The following FAM217A variants were observed in gnomAD, a reference collection of about 807,000 sequenced individuals.
FAM217A encodes family with sequence similarity 217 member A.
Under a neutral mutation model 18.5 loss-of-function variants are expected in FAM217A, and 13 were observed. The observed-to-expected ratio is 0.70, with a 90% CI of 0.46 to 1.12. The LOEUF is 1.12. FAM217A is among the 50% of genes most tolerant of loss of function. FAM217A has a pLI of 0.00. For missense variants in FAM217A, 560 were observed against 575.4 expected, an observed-to-expected ratio of 0.97 and a Z score of 0.27; for synonymous variants, 161 against 202.8, an observed-to-expected ratio of 0.79 and a Z score of 1.75.
intron 1 of FAM217A, among the ~76,000 whole-genome samples, chr6:4,086,518 C>A (rs1770676649): frequency 6.6e-6 from 1 of 151,438 alleles, no homozygotes; most frequent in Admixed American, 6.6e-5. Flanking sequence ...TTTATATCTG[C>A]CACTCTGGCC....
chr6:4,079,487 G>A (rs550450914), upstream of FAM217A: 9 of 512,438 alleles, frequency 1.8e-5, no homozygotes, highest in Admixed American at 1.5e-4. Context: ...GACCTTCTTC[G>A]GCCTTCCTGG....
intron 2 of FAM217A, among the ~76,000 whole-genome samples, chr6:4,075,659 A>G (rs1769741880): frequency 1.3e-5 from 2 of 152,340 alleles, no homozygotes; most frequent in South Asian, 4.1e-4. Flanking sequence ...ATAAGAAAGT[A>G]ACTTTTTAGG....
intron 1 of FAM217A, among the ~76,000 whole-genome samples, chr6:4,085,340 A>T: frequency 6.7e-6 from 1 of 150,140 alleles, no homozygotes; most frequent in East Asian, 1.9e-4. Context: ...AATATGTAAA[A>T]ATATATATCC....
chr6:4,087,199 C>T, upstream of FAM217A: 1 of 720,444 alleles, frequency 1.4e-6, no homozygotes, highest in Non-Finnish European at 1.9e-6. Context: ...ACGCGCGCCC[C>T]CGCTTTCCCC....
rs1769194032 is a variant in FAM217A, at chr6:4,068,818, T to C, written c.1405A>G (p.Lys469Glu). 6 of 1,614,090 alleles carry C rather than the reference T, an allele frequency of 3.7e-6. 1 individual carries two copies. The African/African-American group carries it at 5.3e-5, about 14-fold the overall frequency. ...ATATTTTGTCGGTAAAGTTTCTTTT[T>C]GGTCCCAAAGTTTCTCTTCGGTGCC... ...IKAPKRNFGT[K>E]KKLYRQNIVL... The change falls in exon 7 of 7, where the codon AAA (lysine) becomes GAA (glutamate). Residue 469 changes from lysine (K) to glutamate (E), a missense_variant. Coordinates refer to ENST00000274673, the MANE Select transcript of FAM217A (RefSeq NM_173563.3).
chr6:4,083,552 C>G (rs1581906004), upstream of FAM217A, among the ~76,000 whole-genome samples: 3 of 147,172 alleles, frequency 2.0e-5, no homozygotes, highest in African/African-American at 7.6e-5. Flanking sequence ...CTTTTCTTTT[C>G]TTTTCTTTTT....
rs1380873730 is a variant in FAM217A at position 4,069,044 on chromosome 6, T to G, written c.1179A>C (p.Lys393Asn). The G allele has an allele frequency of 1.2e-6, 2 of 1,613,910 alleles. No individual in the cohort carries two copies. Among genetic ancestry groups the G allele is most frequent in the African/African-American group, 2.7e-5 (2 of 74,936 alleles). ...PLSLKSSSTP[K>N]QLIETYDKNP... ...TCTTATCATAAGTTTCAATCAATTG[T>G]TTTGGGGTGGAAGAACTTTTTAGAG... The change falls in exon 7 of 7, where the codon AAA becomes AAC. Residue 393 changes from lysine to asparagine, a missense_variant. Transcript: ENST00000274673.
At chr6:4,073,221 G>T in intron 6 of FAM217A, 54 bp downstream of exon 6, 1 of 1,289,900 alleles carries the variant, frequency 7.8e-7, no homozygotes, top group Non-Finnish European at 1.1e-6. Flanking sequence ...TATCTCATGT[G>T]TATCTAAATT....
upstream of FAM217A, among the ~76,000 whole-genome samples, chr6:4,079,969 TC>T (rs1770168561): frequency 1.2e-5 from 1 of 84,586 alleles, no homozygotes; most frequent in Non-Finnish European, 2.2e-5. Context: ...GGGGGAAGAA[TC>T]TCTCTCTATC....
intron 4 of FAM217A, 117 bp from the exon 5 acceptor site, chr6:4,073,624 G>T (rs771687139): frequency 1.8e-5 from 13 of 716,186 alleles, no homozygotes; most frequent in Non-Finnish European, 2.9e-5. Context: ...ATGACACTTT[G>T]TTTATATACA....
chr6:4,085,795 G>A (rs1770618411), intron 1 of FAM217A, among the ~76,000 whole-genome samples: 2 of 151,814 alleles, frequency 1.3e-5, no homozygotes, highest in Admixed American at 1.3e-4. Flanking sequence ...TTTACTTTTT[G>A]AGTTTGCAAG....
chr6:4,084,141 A>G (rs1561932671), intron 2 of FAM217A, among the ~76,000 whole-genome samples: 1 of 152,210 alleles, frequency 6.6e-6, no homozygotes, highest in Non-Finnish European at 1.5e-5. Context: ...TTGTGTTTGT[A>G]TAATTCCTTT....
At chr6:4,072,422 C>T (rs180829071) in intron 6 of FAM217A, among the ~76,000 whole-genome samples, 1,867 of 148,408 alleles carry the variant, frequency 0.013, 21 homozygotes, top group Non-Finnish European at 0.019. Flanking sequence ...ATGTAACAAA[C>T]CTGCAAGTTC....
intron 1 of FAM217A, among the ~76,000 whole-genome samples, chr6:4,085,311 A>AAAAAAAAAATATATAT (rs377046907): frequency 6.1e-5 from 9 of 146,420 alleles, no homozygotes; most frequent in East Asian, 2.0e-4. Context: ...TGTAAAAAAA[A>AAAAAAAAAATATATAT]ATATATATAT....
At chr6:4,085,663 C>T (rs954052524) in intron 1 of FAM217A, among the ~76,000 whole-genome samples, 1 of 152,106 alleles carries the variant, frequency 6.6e-6, no homozygotes, top group African/African-American at 2.4e-5. Flanking sequence ...AATATTCTAC[C>T]CCCTTCTCCC....
rs1769167854 is a variant in FAM217A, at chr6:4,068,443, T to C, written c.*253A>G. On this transcript the variant is annotated 3_prime_UTR_variant, in exon 7 of 7. Transcript: ENST00000274673. ...AAGAGTAGCCTTTTGAATAGAATAG[T>C]CTACCAAGTGAACCATTTACTTGAA... 2 of 366,314 alleles carry C rather than the reference T, an allele frequency of 5.5e-6. No homozygotes were observed. Among genetic ancestry groups the C allele is most frequent in the Non-Finnish European group, 9.7e-6 (2 of 205,670 alleles). 22.7% of individuals were successfully genotyped at this position (366,314 alleles called of 1,614,324 possible).
At chr6:4,071,544 T>C (rs149153469) in intron 6 of FAM217A, among the ~76,000 whole-genome samples, 2 of 152,274 alleles carry the variant, frequency 1.3e-5, no homozygotes, top group Non-Finnish European at 2.9e-5. Context: ...GAACTGCACG[T>C]GGTGGACTCC....
chr6:4,081,943 G>C (rs11755877), upstream of FAM217A, among the ~76,000 whole-genome samples: 46,491 of 152,028 alleles, frequency 0.31, 7,775 homozygotes, highest in African/African-American at 0.44. Flanking sequence ...TAGAGTCCTT[G>C]TGAGATTTGT....
upstream of FAM217A, among the ~76,000 whole-genome samples, chr6:4,083,643 C>T (rs1414725121): frequency 6.7e-6 from 1 of 149,894 alleles, no homozygotes; most frequent in Non-Finnish European, 1.5e-5. Context: ...CCTCTGTCTC[C>T]CAGGTTCAAG....
Sources: gnomAD v4.1 joint callset for allele counts (sites outside exome capture counted in the v4.1 genomes callset) on GRCh38, gnomAD v4.1.1 for gene constraint, MANE v1.5 for transcripts, NCBI Gene and HGNC (gene_info 2026-07-23, HGNC 2026-07-21) for gene names.